The following GABRB1 variants were observed in gnomAD, a reference collection of about 807,000 sequenced individuals.
The protein encoded by GABRB1 is gamma-aminobutyric acid receptor subunit beta-1.
Under a neutral mutation model 51.6 loss-of-function variants are expected in GABRB1, and 17 were observed. The ratio of observed to expected loss-of-function variants is 0.33; its 90% CI spans 0.23 to 0.49. The LOEUF (loss-of-function observed/expected upper bound fraction) is 0.49. Among genes scored for constraint, GABRB1 ranks in the 20% least tolerant of loss-of-function variants. GABRB1 has a pLI of 0.99. For synonymous variants in GABRB1, 247 were observed against 218.9 expected (o/e 1.13, Z -1.14); for missense variants, 410 against 600.6 (o/e 0.68, Z 3.32).
chr4:47,153,485 C>T (rs1236694128), intron 3 of GABRB1, among the ~76,000 whole-genome samples: 2 of 151,946 alleles, frequency 1.3e-5, no homozygotes, highest in Non-Finnish European at 2.9e-5. Flanking sequence ...AAGATTTTTA[C>T]ATTTTTTTAA....
At chr4:47,137,765 A>T (rs564660661) in intron 3 of GABRB1, among the ~76,000 whole-genome samples, 1 of 152,142 alleles carries the variant, frequency 6.6e-6, no homozygotes, top group African/African-American at 2.4e-5. Flanking sequence ...TTTCTTGTAA[A>T]TTCTACTAAA....
chr4:47,373,076 C>G (rs900325164), intron 5 of GABRB1, among the ~76,000 whole-genome samples: 7 of 152,204 alleles, frequency 4.6e-5, no homozygotes, highest in African/African-American at 1.7e-4. Flanking sequence ...TAAATCATCC[C>G]TGTGGGAATG....
At chr4:47,107,970 TTTTG>T (rs1302665380) in intron 3 of GABRB1, among the ~76,000 whole-genome samples, 2 of 152,056 alleles carry the variant, frequency 1.3e-5, no homozygotes, top group Non-Finnish European at 2.9e-5. Flanking sequence ...ATCAACAATA[TTTTG>T]TTTTTGTTGT....
At chr4:47,026,060 A>G (rs976463502) in intron 1 of GABRB1, among the ~76,000 whole-genome samples, 2 of 152,016 alleles carry the variant, frequency 1.3e-5, no homozygotes, top group African/African-American at 2.4e-5. Context: ...GCTGGCCGCA[A>G]TGGCAGCTAC....
chr4:47,357,299 G>A (rs1290045213), intron 5 of GABRB1, among the ~76,000 whole-genome samples: 3 of 151,944 alleles, frequency 2.0e-5, no homozygotes, highest in Non-Finnish European at 4.4e-5. Flanking sequence ...GACACAGAGA[G>A]AAGACTGGAA....
chr4:47,398,549 CAT>C (rs34617428), intron 5 of GABRB1, among the ~76,000 whole-genome samples: 1 of 151,350 alleles, frequency 6.6e-6, no homozygotes, highest in Non-Finnish European at 1.5e-5. Context: ...AATATCTTCT[CAT>C]ATATATAGAG....
intron 5 of GABRB1, among the ~76,000 whole-genome samples, chr4:47,382,233 G>A (rs1727623014): frequency 6.6e-6 from 1 of 152,122 alleles, no homozygotes; most frequent in Admixed American, 6.5e-5. Context: ...TTGACATGTT[G>A]GGTGGAATAA....
chr4:47,382,419 C>A (rs1259588345), intron 5 of GABRB1, among the ~76,000 whole-genome samples: 1 of 152,154 alleles, frequency 6.6e-6, no homozygotes, highest in Non-Finnish European at 1.5e-5. Flanking sequence ...CACCCTGACA[C>A]AACATGTGAT....
chr4:47,056,108 C>T (rs1726586268), intron 3 of GABRB1, among the ~76,000 whole-genome samples: 1 of 152,134 alleles, frequency 6.6e-6, no homozygotes, highest in African/African-American at 2.4e-5. Flanking sequence ...ATGACTCAGG[C>T]TGGGAAAAAA....
chr4:47,256,904 T>C (rs1722225009), intron 4 of GABRB1, among the ~76,000 whole-genome samples: 1 of 152,208 alleles, frequency 6.6e-6, no homozygotes, highest in African/African-American at 2.4e-5. Context: ...TCTCACCACA[T>C]TCTATAAAGT....
chr4:47,291,153 G>A (rs1246782503), intron 4 of GABRB1, among the ~76,000 whole-genome samples: 1 of 152,044 alleles, frequency 6.6e-6, no homozygotes, highest in Non-Finnish European at 1.5e-5. Context: ...GGGACTTGGT[G>A]CCCTGTGTCC....
intron 3 of GABRB1, among the ~76,000 whole-genome samples, chr4:47,138,387 A>G (rs1716768341): frequency 1.3e-5 from 2 of 152,020 alleles, no homozygotes; most frequent in African/African-American, 2.4e-5. Context: ...TAAGATAATC[A>G]CCCAAACCCT....
intron 5 of GABRB1, among the ~76,000 whole-genome samples, chr4:47,373,459 G>A (rs997530601): frequency 6.6e-6 from 1 of 152,076 alleles, no homozygotes; most frequent in Admixed American, 6.5e-5. Flanking sequence ...AAGTAATTTG[G>A]CATATCCTAG....
chr4:47,285,582 C>T (rs1237746938), intron 4 of GABRB1, among the ~76,000 whole-genome samples: 1 of 152,166 alleles, frequency 6.6e-6, no homozygotes, highest in Non-Finnish European at 1.5e-5. Context: ...AGGGCCAGCA[C>T]CAACAGCAGG....
intron 4 of GABRB1, among the ~76,000 whole-genome samples, chr4:47,247,618 G>A (rs569791752): frequency 1.8e-4 from 27 of 152,026 alleles, no homozygotes; most frequent in Middle Eastern, 3.4e-3. Flanking sequence ...TGGCAGTATG[G>A]TCATTTTCAC....
At chr4:47,380,305 A>G (rs1727549332) in intron 5 of GABRB1, among the ~76,000 whole-genome samples, 1 of 152,224 alleles carries the variant, frequency 6.6e-6, no homozygotes, top group East Asian at 1.9e-4. Context: ...AAGTAGACAC[A>G]CAGCGGACTT....
At chr4:47,298,349 A>G (rs958026216) in intron 4 of GABRB1, among the ~76,000 whole-genome samples, 15 of 152,350 alleles carry the variant, frequency 9.8e-5, no homozygotes, top group African/African-American at 3.6e-4. Context: ...CCATCATCTC[A>G]GCCCAAAATC....
intron 5 of GABRB1, among the ~76,000 whole-genome samples, chr4:47,324,288 G>C (rs946334355): frequency 6.6e-6 from 1 of 151,990 alleles, no homozygotes; most frequent in East Asian, 1.9e-4. Flanking sequence ...GGCCCTGCCC[G>C]CTGTGCTTAG....
Position 47,080,298 on chromosome 4 carries a change from G to GAA in GABRB1, c.240+47826_240+47827dup, listed in dbSNP as rs59818870. 7.1e-4 allele frequency among the ~76,000 whole-genome samples: 100 copies of GAA among 141,082 alleles called. 1 individual carries two copies. The highest frequency in any genetic ancestry group is 1.2e-3 in the East Asian group (6 of 4,836). 92.6% of individuals were successfully genotyped at this position (141,082 alleles called of 152,430 possible). ...TCTGTGGCAGATCCCAAAGAATGAAGAAAAAAAAAAAAAGAAGTAGGGTCC... is the reference window on the plus strand; with the variant it reads ...TCTGTGGCAGATCCCAAAGAATGAAGAAAAAAAAAAAAAAAGAAGTAGGGTCC... On this transcript the variant is annotated intron_variant, in intron 3 of 8. Coordinates refer to ENST00000295454, the MANE Select transcript of GABRB1 (RefSeq NM_000812.4).
Sources: allele counts gnomAD v4.1 joint callset (sites outside exome capture counted in the v4.1 genomes callset), GRCh38; gene constraint gnomAD v4.1.1; transcripts MANE v1.5; gene names NCBI Gene and HGNC (gene_info 2026-07-23, HGNC 2026-07-21).